HECW1: variants seen among roughly 807,000 people sequenced by gnomAD.
The protein encoded by HECW1 is E3 ubiquitin-protein ligase HECW1.
HECW1 carries 61 observed loss-of-function variants against 182.3 expected under a neutral mutation model. The observed-to-expected ratio is 0.33, with a 90% CI of 0.27 to 0.41. HECW1 has a LOEUF of 0.41. Among genes scored for constraint, HECW1 ranks in the 10% least tolerant of loss-of-function variants. The pLI is 1.00. For missense variants in HECW1, 1,739 were observed against 2,108.9 expected, an observed-to-expected ratio of 0.82 and a Z score of 3.44; for synonymous variants, 859 against 832.6, an observed-to-expected ratio of 1.03 and a Z score of -0.55.
intron 8 of HECW1, among the ~76,000 whole-genome samples, chr7:43,428,872 A>G (rs868335460): frequency 4.6e-5 from 7 of 152,184 alleles, no homozygotes; most frequent in Admixed American, 1.3e-4. Context: ...AATCATCTCC[A>G]GAAGTAAAAG....
At chr7:43,533,259 A>C (rs1189031369) in intron 24 of HECW1, among the ~76,000 whole-genome samples, 1 of 152,138 alleles carries the variant, frequency 6.6e-6, no homozygotes, top group Non-Finnish European at 1.5e-5. Context: ...AAGACTCCTT[A>C]AAGGAACTTA....
intron 28 of HECW1, 136 bp downstream of exon 28, chr7:43,552,472 TCA>T (rs1216432872): frequency 3.0e-6 from 2 of 659,948 alleles, no homozygotes; most frequent in Non-Finnish European, 5.6e-6. Context: ...TTTAGTACAT[TCA>T]CAGTTTTGTG....
At chr7:43,554,852 T>A in intron 29 of HECW1, 62 bp downstream of exon 29, 1 of 1,461,390 alleles carries the variant, frequency 6.8e-7, no homozygotes, top group Non-Finnish European at 9.4e-7. Flanking sequence ...TACTTTGCTA[T>A]TTGATTTTGA....
chr7:43,517,642 A>G (rs1435356947), intron 24 of HECW1, among the ~76,000 whole-genome samples: 1 of 151,688 alleles, frequency 6.6e-6, no homozygotes, highest in Non-Finnish European at 1.5e-5. Context: ...TGGCCCTTCA[A>G]CCTCCCAGGG....
At chr7:43,387,993 G>A (rs1019610876) in intron 6 of HECW1, among the ~76,000 whole-genome samples, 14 of 152,204 alleles carry the variant, frequency 9.2e-5, no homozygotes, top group African/African-American at 2.7e-4. Flanking sequence ...ATGCCATTCC[G>A]TTCTCAGGGG....
rs773405746 is a variant in HECW1 at position 43,445,134 on chromosome 7, C to A, written c.1962C>A (p.Thr654=). The part of the protein sequence containing the change: ...AAQDGDTHPS[T]GSESDSSPRQ... ...AGGATGGCGACACGCACCCCAGCAC[C>A]GGGAGCGAGAGCGACTCCAGCCCCA... The change falls in exon 11 of 30, where the codon ACC becomes ACA. Residue 654 remains threonine (T), a synonymous_variant. Transcript: ENST00000395891. 1 of 1,609,598 alleles carries A rather than the reference C, an allele frequency of 6.2e-7. No homozygotes were observed. Among genetic ancestry groups the A allele is most frequent in the Non-Finnish European group, 8.5e-7 (1 of 1,178,784 alleles).
chr7:43,406,038 G>A (rs1436604020), intron 7 of HECW1, among the ~76,000 whole-genome samples: 3 of 152,192 alleles, frequency 2.0e-5, no homozygotes, highest in Non-Finnish European at 2.9e-5. Context: ...TGTCTCTAGT[G>A]TAAGAACATG....
intron 2 of HECW1, among the ~76,000 whole-genome samples, chr7:43,134,930 A>G (rs1431329859): frequency 6.6e-6 from 1 of 152,184 alleles, no homozygotes; most frequent in African/African-American, 2.4e-5. Context: ...GTATCAGAGC[A>G]TTTTGCTAAA....
chr7:43,512,095 G>A (rs2079903676), intron 24 of HECW1: 1 of 222,204 alleles, frequency 4.5e-6, no homozygotes, highest in Non-Finnish European at 9.0e-6. Context: ...TCCACCTTCT[G>A]AGGGAGTTCA....
At position 43,445,540 on chromosome 7, in the gene HECW1, C is replaced by T. The variant is rs752675651; in HGVS notation, c.2368C>T (p.Pro790Ser). The T allele has an allele frequency of 6.2e-7, 1 of 1,601,914 alleles. No homozygotes were observed. Reference sequence around the variant, plus strand: ...AAGAAGCCCGGAAGGTCTGGAATCCCCCGTGGCAGGTCCAAGCAATCGGAG... The same window carrying T: ...AAGAAGCCCGGAAGGTCTGGAATCCTCCGTGGCAGGTCCAAGCAATCGGAG... ...VERSPEGLES[P>S]VAGPSNRREG... Residue 790 changes from proline (P) to serine (S), a missense_variant, in exon 11 of 30, where the codon CCC becomes TCC. By Grantham distance (74) the Pro-to-Ser change is moderately conservative. Around this residue, in one of 5 missense-constraint regions of HECW1, gnomAD observed 971 missense variants for 1,029.1 expected, o/e 0.94. Coordinates refer to ENST00000395891, the MANE Select transcript of HECW1 (RefSeq NM_015052.5).
intron 17 of HECW1, among the ~76,000 whole-genome samples, chr7:43,486,347 C>T (rs1171773936): frequency 6.6e-6 from 1 of 151,598 alleles, no homozygotes; most frequent in Non-Finnish European, 1.5e-5. Context: ...AGTGCAATGG[C>T]ACGGAGTGCA....
rs576564140 is a variant in HECW1, at chr7:43,444,580, G to A, written c.1408G>A (p.Ala470Thr). Residue 470 changes from alanine to threonine, a missense_variant, in exon 11 of 30, where the codon GCA becomes ACA. Ala to Thr is a moderately conservative substitution (Grantham distance 58, BLOSUM62 0). Coordinates refer to ENST00000395891, the MANE Select transcript of HECW1 (RefSeq NM_015052.5). The surrounding 1 kb of genome is among the most constrained non-coding windows in gnomAD (Gnocchi z 4.3). ...GCTGGACCTGGGTGAGGAGGCATCAGCACTGCTGCTGGAAGACGGTGAAGC... is the reference window on the plus strand; with the variant it reads ...GCTGGACCTGGGTGAGGAGGCATCAACACTGCTGCTGGAAGACGGTGAAGC... ...EQLDLGEEASALLLEDGEAPA... is the reference protein window; with the variant it reads ...EQLDLGEEASTLLLEDGEAPA... 5.0e-6 allele frequency: 8 copies of A among 1,610,992 alleles called. No homozygotes were observed. The African/African-American group carries it at 8.0e-5, about 16-fold the overall frequency.
At chr7:43,522,844 A>G (rs1489936885) in intron 24 of HECW1, among the ~76,000 whole-genome samples, 1 of 152,136 alleles carries the variant, frequency 6.6e-6, no homozygotes, top group East Asian at 1.9e-4. Context: ...GGAGCAGGGA[A>G]ATTTGATTGT....
intron 7 of HECW1, among the ~76,000 whole-genome samples, 171 bp downstream of exon 7, chr7:43,397,060 A>G (rs1247548963): frequency 2.6e-5 from 4 of 152,234 alleles, no homozygotes; most frequent in Admixed American, 2.0e-4. Context: ...TCCCTTGACC[A>G]CATAAGGATA....
At chr7:43,459,516 T>C (rs2077510272) in intron 13 of HECW1, among the ~76,000 whole-genome samples, 1 of 152,068 alleles carries the variant, frequency 6.6e-6, no homozygotes, top group East Asian at 1.9e-4. Flanking sequence ...AAAAAAGTGA[T>C]CTACACTCTA....
At chr7:43,526,630 C>A (rs944738664) in intron 24 of HECW1, among the ~76,000 whole-genome samples, 4 of 152,208 alleles carry the variant, frequency 2.6e-5, no homozygotes, top group African/African-American at 4.8e-5. Flanking sequence ...CATTGCCATT[C>A]CTGTATTCTC....
chr7:43,124,100 G>A (rs965078788), intron 2 of HECW1, among the ~76,000 whole-genome samples: 5 of 152,242 alleles, frequency 3.3e-5, no homozygotes, highest in East Asian at 3.9e-4. Context: ...TCCTGACTCC[G>A]TCCTTTTTCA....
intron 13 of HECW1, among the ~76,000 whole-genome samples, chr7:43,462,730 C>T (rs1482531527): frequency 6.6e-6 from 1 of 152,234 alleles, no homozygotes; most frequent in African/African-American, 2.4e-5. Context: ...CAGGTGCCCA[C>T]ACATCCTGAT....
intron 9 of HECW1, among the ~76,000 whole-genome samples, chr7:43,441,399 A>G (rs1012883907): frequency 6.6e-6 from 1 of 152,042 alleles, no homozygotes; most frequent in Non-Finnish European, 1.5e-5. Flanking sequence ...GCGCCCACAG[A>G]CTCTCCAGTA....
Sources: gnomAD v4.1 joint callset for allele counts (sites outside exome capture counted in the v4.1 genomes callset) on GRCh38, gnomAD v4.1.1 for gene constraint, gnomAD v4.1.1 regional missense constraint, Gnocchi (gnomAD v3.1) non-coding constraint, MANE v1.5 for transcripts, NCBI Gene and HGNC (gene_info 2026-07-23, HGNC 2026-07-21) for gene names.